Variants in INPP4B observed in about 807,000 individuals in gnomAD.
INPP4B encodes the protein inositol polyphosphate-4-phosphatase type II B.
In INPP4B, 55 loss-of-function variants were observed where a neutral mutation model predicts 122.5. That is an observed-to-expected ratio of 0.45 (90% CI 0.36 to 0.56). The LOEUF (loss-of-function observed/expected upper bound fraction) is 0.56. Among genes scored for constraint, INPP4B ranks in the 20% least tolerant of loss-of-function variants. INPP4B has a pLI of 0.00. For missense variants in INPP4B, 1,000 were observed against 1,097.7 expected (o/e 0.91, Z 1.26); for synonymous variants, 403 against 388.7 (o/e 1.04, Z -0.43).
intron 1 of INPP4B, among the ~76,000 whole-genome samples, chr4:142,782,143 C>T (rs1274571838): frequency 2.6e-5 from 4 of 151,988 alleles, no homozygotes; most frequent in Non-Finnish European, 5.9e-5. Flanking sequence ...TTCCCACACC[C>T]CACAACAGTC....
intron 15 of INPP4B, among the ~76,000 whole-genome samples, chr4:142,177,379 G>A (rs28602561): frequency 0.099 from 15,115 of 152,046 alleles, 1,107 homozygotes; most frequent in African/African-American, 0.2. Flanking sequence ...TCTTAAATGG[G>A]AAGTAATAAG....
At chr4:142,156,251 G>C (rs1200775214) in intron 17 of INPP4B, among the ~76,000 whole-genome samples, 1 of 152,070 alleles carries the variant, frequency 6.6e-6, no homozygotes, top group African/African-American at 2.4e-5. Flanking sequence ...TTGAATAGAA[G>C]TAGGCAGATT....
intron 1 of INPP4B, among the ~76,000 whole-genome samples, chr4:142,770,119 T>A (rs1334778708): frequency 6.6e-6 from 1 of 152,084 alleles, no homozygotes; most frequent in Non-Finnish European, 1.5e-5. Flanking sequence ...AAAAATTACA[T>A]TACAAACTGA....
At chr4:142,461,439 G>T (rs1816712791) in intron 3 of INPP4B, among the ~76,000 whole-genome samples, 1 of 152,138 alleles carries the variant, frequency 6.6e-6, no homozygotes, top group Admixed American at 6.5e-5. Context: ...AATTATTTAG[G>T]AAGCTTTTGC....
chr4:142,780,125 A>AT (rs1412581689), intron 1 of INPP4B, among the ~76,000 whole-genome samples: 1 of 152,194 alleles, frequency 6.6e-6, no homozygotes, highest in African/African-American at 2.4e-5. Context: ...GACAGCTTAG[A>AT]TAAGTTCAGG....
At chr4:142,598,600 T>A (rs897239651) in intron 2 of INPP4B, among the ~76,000 whole-genome samples, 1 of 151,992 alleles carries the variant, frequency 6.6e-6, no homozygotes, top group African/African-American at 2.4e-5. Flanking sequence ...CTATTCCTCA[T>A]GGAAATGACA....
In INPP4B at chr4:142,107,946, ATCAG is replaced by A. The variant is rs1168222045; in HGVS notation, c.2374+143_2374+146del. 6 of 560,702 alleles carry A rather than the reference ATCAG, an allele frequency of 1.1e-5. No individual in the cohort carries two copies. The East Asian group carries it at 1.3e-4, about 12-fold the overall frequency. The allele number at this position is 560,702 out of a possible 1,614,324, so 34.7% of individuals were successfully genotyped here. On this transcript the variant is annotated intron_variant, in intron 23 of 25. Coordinates refer to ENST00000262992, the MANE Select transcript of INPP4B (RefSeq NM_001101669.3). The stretch of plus-strand genomic sequence containing the variant: ...AGGTGTTGGCCATGCTACCTTGGCA[ATCAG>A]TCTTTTTGGATCAGATAATTTCAAA...
intron 12 of INPP4B, among the ~76,000 whole-genome samples, chr4:142,222,983 G>A (rs955798020): frequency 2.0e-5 from 3 of 151,962 alleles, no homozygotes; most frequent in East Asian, 3.9e-4. Flanking sequence ...CATTTTAAAG[G>A]CATATGAATC....
At chr4:142,079,321 A>G (rs1772584979) in intron 25 of INPP4B, among the ~76,000 whole-genome samples, 1 of 151,936 alleles carries the variant, frequency 6.6e-6, no homozygotes. Flanking sequence ...TTAACACACC[A>G]ATCAAACATA....
At chr4:142,742,051 G>A (rs565941753) in intron 1 of INPP4B, among the ~76,000 whole-genome samples, 2 of 151,908 alleles carry the variant, frequency 1.3e-5, no homozygotes, top group Non-Finnish European at 2.9e-5. Flanking sequence ...GAATACCAAC[G>A]ATAAAGAGAT....
At chr4:142,628,684 A>G (rs1047478644) in intron 2 of INPP4B, among the ~76,000 whole-genome samples, 16 of 149,836 alleles carry the variant, frequency 1.1e-4, no homozygotes, top group African/African-American at 1.7e-4. Flanking sequence ...ATCCTTTTTT[A>G]TAGACATTTC....
intron 3 of INPP4B, among the ~76,000 whole-genome samples, chr4:142,436,398 C>T (rs1373575869): frequency 3.3e-5 from 5 of 152,176 alleles, no homozygotes; most frequent in Non-Finnish European, 2.9e-5. Context: ...CCCTCCACCA[C>T]GGGACAGCGA....
intron 2 of INPP4B, among the ~76,000 whole-genome samples, chr4:142,555,883 A>AAAG (rs1729057633): frequency 6.6e-6 from 1 of 151,712 alleles, no homozygotes; most frequent in East Asian, 1.9e-4. Flanking sequence ...AAAAAAAAAA[A>AAAG]AAAATTAAAA....
chr4:142,409,784 T>C (rs1804227056), intron 5 of INPP4B, among the ~76,000 whole-genome samples: 1 of 152,190 alleles, frequency 6.6e-6, no homozygotes, highest in East Asian at 1.9e-4. Context: ...TACATCTGTT[T>C]GATAGATTTG....
chr4:142,737,242 T>A (rs1329773219), intron 1 of INPP4B, among the ~76,000 whole-genome samples: 1 of 152,124 alleles, frequency 6.6e-6, no homozygotes, highest in East Asian at 1.9e-4. Context: ...CAAAACAGCA[T>A]GGTACTGGTA....
At chr4:142,092,223 C>T (rs4266353) in intron 23 of INPP4B, among the ~76,000 whole-genome samples, 38,100 of 152,014 alleles carry the variant, frequency 0.25, 4,828 homozygotes, top group East Asian at 0.3. Context: ...CAAGACCAGA[C>T]ATAGGATAAA....
chr4:142,485,783 G>C (rs28576569), intron 2 of INPP4B, among the ~76,000 whole-genome samples: 1 of 152,010 alleles, frequency 6.6e-6, no homozygotes, highest in Non-Finnish European at 1.5e-5. Context: ...GTAATTACAC[G>C]CATAAACTAG....
chr4:142,030,349 T>G lies in INPP4B; in HGVS notation c.2643-1435A>C, dbSNP rs1302479838. The G allele has an allele frequency of 2.0e-6, 3 of 1,477,654 alleles. No individual in the cohort carries two copies. The African/African-American group carries it at 4.2e-5, about 21-fold the overall frequency. The allele number at this position is 1,477,654 out of a possible 1,614,324, so 91.5% of individuals were successfully genotyped here. On this transcript the variant is annotated intron_variant, in intron 25 of 25. Transcript: ENST00000262992. Reference sequence around the variant, plus strand: ...GGGGGGAAAAGAAAATAGTATAGAGTTCACACAGTAAAAAAAATTCAGCCT... The same window carrying G: ...GGGGGGAAAAGAAAATAGTATAGAGGTCACACAGTAAAAAAAATTCAGCCT...
intron 7 of INPP4B, among the ~76,000 whole-genome samples, chr4:142,359,302 G>T (rs1579840110): frequency 6.6e-6 from 1 of 151,664 alleles, no homozygotes; most frequent in East Asian, 1.9e-4. Flanking sequence ...TGCAATCTTG[G>T]GCAATGCAAT....
Sources: gnomAD v4.1 joint callset for allele counts (sites outside exome capture counted in the v4.1 genomes callset) on GRCh38, gnomAD v4.1.1 for gene constraint, MANE v1.5 for transcripts, NCBI Gene and HGNC (gene_info 2026-07-23, HGNC 2026-07-21) for gene names.